RGS6: variants seen among roughly 807,000 people sequenced by gnomAD.
RGS6 encodes regulator of G protein signaling 6, also known as regulator of G-protein signaling 6.
In RGS6, 30 loss-of-function variants were observed where a neutral mutation model predicts 78.5. That is an observed-to-expected ratio of 0.38 (90% CI 0.29 to 0.52). The LOEUF (loss-of-function observed/expected upper bound fraction) is 0.52. RGS6 is among the 20% of genes least tolerant of loss of function. The pLI is 0.85. For synonymous variants in RGS6, 206 were observed against 206.0 expected (o/e 1.00, Z 0.00); for missense variants, 495 against 609.7 (o/e 0.81, Z 1.98).
In RGS6 at chr14:72,526,220, C is replaced by G. The variant is rs574164592; in HGVS notation, c.1278+7683C>G. On this transcript the variant is annotated intron_variant, in intron 15 of 17. Coordinates refer to ENST00000553525, the MANE Select transcript of RGS6 (RefSeq NM_001204424.2). ...CTGGGTTCACGCCATTCTCTTGCCTCAGCCTCCTGAGTAGCTGGGACTACA... is the reference window on the plus strand; with the variant it reads ...CTGGGTTCACGCCATTCTCTTGCCTGAGCCTCCTGAGTAGCTGGGACTACA... Among the ~76,000 whole-genome samples the G allele has an allele frequency of 3.8e-3, 570 of 151,996 alleles. 5 individuals carry two copies. Among genetic ancestry groups the G allele is most frequent in the African/African-American group, 0.013 (542 of 41,442 alleles).
chr14:72,345,496 C>A (rs2077850221), intron 2 of RGS6, among the ~76,000 whole-genome samples: 1 of 152,134 alleles, frequency 6.6e-6, no homozygotes, highest in African/African-American at 2.4e-5. Context: ...GAAATTGCAG[C>A]CTTTGAATGG....
chr14:71,970,076 G>A (rs2093715468), intron 2 of RGS6, among the ~76,000 whole-genome samples: 1 of 152,028 alleles, frequency 6.6e-6, no homozygotes, highest in African/African-American at 2.4e-5. Flanking sequence ...CATCTTGGTG[G>A]CAACCTGTTT....
chr14:72,339,956 C>A (rs78289314), intron 2 of RGS6, among the ~76,000 whole-genome samples: 1 of 152,246 alleles, frequency 6.6e-6, no homozygotes, highest in Non-Finnish European at 1.5e-5. Context: ...TCCTTCTTTG[C>A]GGCCCTCCTG....
chr14:72,172,408 T>C (rs117149831), intron 2 of RGS6, among the ~76,000 whole-genome samples: 31 of 151,854 alleles, frequency 2.0e-4, no homozygotes, highest in Non-Finnish European at 4.6e-4. Context: ...AAAAATTAGG[T>C]TGTGGTTTTT....
chr14:72,060,039 A>T (rs1279893286), intron 2 of RGS6, among the ~76,000 whole-genome samples: 1 of 152,138 alleles, frequency 6.6e-6, no homozygotes, highest in Non-Finnish European at 1.5e-5. Flanking sequence ...TGTCTCCACG[A>T]TGGAAGAGGC....
chr14:71,921,428 A>T, the RGS6 span, among the ~76,000 whole-genome samples: 1 of 152,256 alleles, frequency 6.6e-6, no homozygotes, highest in African/African-American at 2.4e-5. Context: ...TCCCATGTTT[A>T]TTGCAACATC....
intron 2 of RGS6, among the ~76,000 whole-genome samples, chr14:72,208,108 T>A (rs1055500843): frequency 6.6e-6 from 1 of 152,194 alleles, no homozygotes. Context: ...TCCTTCTAGA[T>A]CCTGTGATGG....
At chr14:72,188,236 AG>A (rs1037043661) in intron 2 of RGS6, among the ~76,000 whole-genome samples, 1 of 152,224 alleles carries the variant, frequency 6.6e-6, no homozygotes, top group African/African-American at 2.4e-5. Flanking sequence ...ACAGTCTTTA[AG>A]TAGAAACACA....
intron 17 of RGS6, chr14:72,540,592 C>T (rs1173027322): frequency 8.7e-6 from 13 of 1,502,560 alleles, no homozygotes; most frequent in Non-Finnish European, 1.2e-5. Context: ...TTGCTGTGTG[C>T]AGAAAGCGGC....
upstream of RGS6, among the ~76,000 whole-genome samples, chr14:71,928,488 T>A (rs951291344): frequency 1.3e-5 from 2 of 152,096 alleles, no homozygotes; most frequent in Non-Finnish European, 2.9e-5. Flanking sequence ...AAACTCATTA[T>A]CCTCCCCAAA....
the RGS6 span, among the ~76,000 whole-genome samples, chr14:71,908,704 T>C: frequency 3.3e-5 from 5 of 152,200 alleles, no homozygotes; most frequent in Non-Finnish European, 5.9e-5. Flanking sequence ...TCTTGACTTA[T>C]ACGCAAGGAT....
At chr14:72,361,102 T>TTC (rs1555352703) in intron 3 of RGS6, among the ~76,000 whole-genome samples, 11 of 134,424 alleles carry the variant, frequency 8.2e-5, no homozygotes, top group African/African-American at 3.3e-4. Context: ...TTTTTTTTTT[T>TTC]CATAAATTAC....
chr14:72,532,071 T>C (rs1307192738), intron 15 of RGS6, among the ~76,000 whole-genome samples: 1 of 152,368 alleles, frequency 6.6e-6, no homozygotes, highest in East Asian at 1.9e-4. Flanking sequence ...CCCTGTATTA[T>C]GCCTTATAGA....
chr14:72,626,634 C>T, the RGS6 span, among the ~76,000 whole-genome samples: 4 of 152,090 alleles, frequency 2.6e-5, no homozygotes, highest in East Asian at 3.9e-4. Flanking sequence ...ATGAACAATG[C>T]TACCACAAAT....
chr14:72,222,151 A>C (rs567899573), intron 2 of RGS6, among the ~76,000 whole-genome samples: 1 of 152,348 alleles, frequency 6.6e-6, no homozygotes, highest in African/African-American at 2.4e-5. Context: ...AGACGATTTT[A>C]TGAATCAGCA....
At chr14:71,952,601 G>A (rs771578305) in intron 1 of RGS6, among the ~76,000 whole-genome samples, 54 of 151,830 alleles carry the variant, frequency 3.6e-4, no homozygotes, top group Admixed American at 1.6e-3. Context: ...TAAAACCCCC[G>A]AGAACCTATT....
At chr14:72,337,319 T>C (rs1183663720) in intron 2 of RGS6, among the ~76,000 whole-genome samples, 1 of 151,480 alleles carries the variant, frequency 6.6e-6, no homozygotes, top group Non-Finnish European at 1.5e-5. Flanking sequence ...GGGTAAACTT[T>C]CCACATTATT....
At chr14:71,949,739 T>G in intron 1 of RGS6, among the ~76,000 whole-genome samples, 1 of 151,700 alleles carries the variant, frequency 6.6e-6, no homozygotes, top group South Asian at 2.1e-4. Context: ...TTGCCTACCC[T>G]AAGGCTATGA....
chr14:72,579,495 T>C, the RGS6 span, among the ~76,000 whole-genome samples: 1 of 152,194 alleles, frequency 6.6e-6, no homozygotes, highest in Admixed American at 6.5e-5. Context: ...GGAGGAAATG[T>C]CTAGTCCTAT....
Sources: gnomAD v4.1 joint callset for allele counts (sites outside exome capture counted in the v4.1 genomes callset) on GRCh38, gnomAD v4.1.1 for gene constraint, MANE v1.5 for transcripts, NCBI Gene and HGNC (gene_info 2026-07-23, HGNC 2026-07-21) for gene names.